RCAN2: variants seen among roughly 807,000 people sequenced by gnomAD.
RCAN2 encodes the protein regulator of calcineurin 2.
RCAN2 carries 9 observed loss-of-function variants against 23.6 expected under a neutral mutation model. That is an observed-to-expected ratio of 0.38 (90% CI 0.23 to 0.67). The LOEUF (loss-of-function observed/expected upper bound fraction) is 0.67, where lower values mean the gene tolerates loss of function less well. Among genes scored for constraint, RCAN2 ranks in the 30% least tolerant of loss-of-function variants. The pLI, the probability that RCAN2 is intolerant of heterozygous loss-of-function variation, is 0.51. For synonymous variants in RCAN2, 109 were observed against 115.7 expected, an observed-to-expected ratio of 0.94 and a Z score of 0.37; for missense variants, 273 against 302.3, an observed-to-expected ratio of 0.90 and a Z score of 0.72.
intron 2 of RCAN2, among the ~76,000 whole-genome samples, chr6:46,261,870 C>T (rs996296898): frequency 1.3e-5 from 2 of 152,158 alleles, no homozygotes; most frequent in African/African-American, 4.8e-5. Context: ...AGGAGGAAAT[C>T]AACTGGGTAA....
intron 4 of RCAN2, among the ~76,000 whole-genome samples, chr6:46,225,792 A>G (rs1420199593): frequency 6.6e-6 from 1 of 152,184 alleles, no homozygotes; most frequent in Non-Finnish European, 1.5e-5. Context: ...TAGTTTAATT[A>G]GATCCCATTT....
chr6:46,429,691 G>GT (rs1218772369), intron 2 of RCAN2, among the ~76,000 whole-genome samples: 1 of 152,026 alleles, frequency 6.6e-6, no homozygotes, highest in African/African-American at 2.4e-5. Context: ...GGGCAGGTAC[G>GT]TTCTTGCCCT....
intron 2 of RCAN2, among the ~76,000 whole-genome samples, chr6:46,334,308 G>A (rs1764074633): frequency 6.6e-6 from 1 of 152,138 alleles, no homozygotes; most frequent in Non-Finnish European, 1.5e-5. Context: ...CCTCTACCTT[G>A]CCCACAGCTA....
At chr6:46,315,395 C>T (rs183359947) in intron 2 of RCAN2, among the ~76,000 whole-genome samples, 12 of 152,138 alleles carry the variant, frequency 7.9e-5, no homozygotes, top group Middle Eastern at 3.4e-3. Flanking sequence ...AGGGGTGGAG[C>T]GGGGCCTGTG....
chr6:46,334,990 A>G (rs11965941), intron 2 of RCAN2, among the ~76,000 whole-genome samples: 64,340 of 152,010 alleles, frequency 0.42, 15,021 homozygotes, highest in East Asian at 0.6. Flanking sequence ...TGAAAATAAA[A>G]AGGGTGTTTG....
intron 2 of RCAN2, among the ~76,000 whole-genome samples, chr6:46,267,981 G>T (rs886601710): frequency 2.0e-5 from 3 of 151,862 alleles, no homozygotes; most frequent in Non-Finnish European, 4.4e-5. Flanking sequence ...TTATATAAAA[G>T]TAACAAAAGC....
At chr6:46,410,140 A>C (rs1766506459) in intron 2 of RCAN2, among the ~76,000 whole-genome samples, 1 of 152,068 alleles carries the variant, frequency 6.6e-6, no homozygotes, top group Non-Finnish European at 1.5e-5. Context: ...TTGGGCTTAG[A>C]CTAAAAGTCT....
chr6:46,239,493 C>T (rs948167802), intron 4 of RCAN2, among the ~76,000 whole-genome samples: 5 of 152,188 alleles, frequency 3.3e-5, no homozygotes, highest in African/African-American at 7.2e-5. Flanking sequence ...TAGGCATGCA[C>T]GAGGTTGGGA....
Position 46,472,347 on chromosome 6 carries a change from G to A in RCAN2, c.-2-15369C>T, listed in dbSNP as rs377665194. On this transcript the variant is annotated intron_variant, in intron 1 of 4. Transcript: ENST00000371374. ...AAGCACACATATAAATTCTAAAGAT[G>A]GATGTATTGGGACTTCCTTTTAATA... 2.2e-4 allele frequency among the ~76,000 whole-genome samples: 34 copies of A among 152,286 alleles called. 2 individuals are homozygous for A. The South Asian group carries it at 7.0e-3, about 32-fold the overall frequency.
chr6:46,402,807 G>A (rs1043145527), intron 2 of RCAN2, among the ~76,000 whole-genome samples: 1 of 152,028 alleles, frequency 6.6e-6, no homozygotes, highest in Non-Finnish European at 1.5e-5. Flanking sequence ...CATATCTTTG[G>A]GTCTTTATTC....
intron 2 of RCAN2, among the ~76,000 whole-genome samples, chr6:46,449,426 G>A (rs1767810697): frequency 6.6e-6 from 1 of 150,860 alleles, no homozygotes; most frequent in Non-Finnish European, 1.5e-5. Context: ...TCATACTACA[G>A]AAAGTAATCT....
intron 2 of RCAN2, among the ~76,000 whole-genome samples, chr6:46,259,667 T>C (rs1201373057): frequency 2.0e-5 from 3 of 152,182 alleles, no homozygotes; most frequent in African/African-American, 7.2e-5. Context: ...TGCCTGAAGA[T>C]AGTGCCAGAT....
At chr6:46,278,460 T>C (rs1349123358) in intron 2 of RCAN2, among the ~76,000 whole-genome samples, 1 of 152,090 alleles carries the variant, frequency 6.6e-6, no homozygotes, top group African/African-American at 2.4e-5. Flanking sequence ...ATCTATGCCC[T>C]TTTACCTCTA....
rs543096179 is a variant in RCAN2, at chr6:46,221,142, C to A, written c.*1999G>T. 2 of 152,300 alleles carry A rather than the reference C, an allele frequency of 1.3e-5. No homozygotes were observed. Among genetic ancestry groups the A allele is most frequent in the African/African-American group, 4.8e-5 (2 of 41,430 alleles). The allele number at this position is 152,300 out of a possible 1,614,324, so 9.4% of individuals were successfully genotyped here. A position where few individuals can be genotyped will look rare whatever the true frequency, so the allele number is the denominator to read the frequency against. On this transcript the variant is annotated 3_prime_UTR_variant, in exon 5 of 5. Transcript: ENST00000371374. ...TGACTACACAGAATGGTCATTTCAA[C>A]TTTTACTAAGTTGTTAAAAATGTCA...
At chr6:46,311,849 C>G (rs1763268725) in intron 2 of RCAN2, among the ~76,000 whole-genome samples, 1 of 152,090 alleles carries the variant, frequency 6.6e-6, no homozygotes. Context: ...TATGTGTCTC[C>G]CAATATCCAC....
chr6:46,243,592 C>T (rs986829365), intron 4 of RCAN2, among the ~76,000 whole-genome samples: 2 of 151,828 alleles, frequency 1.3e-5, no homozygotes, highest in Non-Finnish European at 1.5e-5. Context: ...GGGTGGATCA[C>T]GAGGTCAGGA....
Position 46,239,992 on chromosome 6 carries a change from G to A in RCAN2, c.571+6756C>T, listed in dbSNP as rs140735141. ...AACTAAGGGAACCACAGAGGGGAAA[G>A]AGGTGGGAAGATAAAGAGGGAGAGC... On this transcript the variant is annotated intron_variant, in intron 4 of 4. Transcript: ENST00000371374. Among the ~76,000 whole-genome samples, 443 of 152,310 alleles carry A rather than the reference G, an allele frequency of 2.9e-3. 3 individuals are homozygous for A. Among genetic ancestry groups the A allele is most frequent in the African/African-American group, 0.01 (420 of 41,572 alleles).
rs541976980 is a variant in RCAN2, at chr6:46,314,667, T to G, written c.226-65771A>C. Among the ~76,000 whole-genome samples the G allele has an allele frequency of 6.9e-4, 105 of 152,330 alleles. 1 individual carries two copies. The highest frequency in any genetic ancestry group is 2.4e-3 in the African/African-American group (99 of 41,566). On this transcript the variant is annotated intron_variant, in intron 2 of 4. Coordinates refer to ENST00000371374, the MANE Select transcript of RCAN2 (RefSeq NM_001251974.2). ...TACTGCGGTGAAACAAGTCCATAAC[T>G]CCATGTAAAATTCCTGCCCAAAGAA... is the stretch of plus-strand genomic sequence containing the variant.
chr6:46,362,580 T>A (rs1383773540), intron 2 of RCAN2, among the ~76,000 whole-genome samples: 1 of 152,156 alleles, frequency 6.6e-6, no homozygotes, highest in African/African-American at 2.4e-5. Context: ...TGCATTACAC[T>A]ACAAAACTGA....
Sources: gnomAD v4.1 joint callset for allele counts (sites outside exome capture counted in the v4.1 genomes callset) on GRCh38, gnomAD v4.1.1 for gene constraint, MANE v1.5 for transcripts, NCBI Gene and HGNC (gene_info 2026-07-23, HGNC 2026-07-21) for gene names.